ANAPC10: variants seen among roughly 807,000 people sequenced by gnomAD.
ANAPC10 encodes the protein anaphase promoting complex subunit 10.
A neutral mutation model predicts 22.0 loss-of-function variants in ANAPC10; 12 were observed. The observed-to-expected ratio is 0.55, with a 90% CI of 0.35 to 0.88. The LOEUF (loss-of-function observed/expected upper bound fraction) is 0.88. Among genes scored for constraint, ANAPC10 ranks in the 40% least tolerant of loss-of-function variants. The pLI is 0.01. For missense variants in ANAPC10, 188 were observed against 220.9 expected, an observed-to-expected ratio of 0.85 and a Z score of 0.94; for synonymous variants, 65 against 69.5, an observed-to-expected ratio of 0.94 and a Z score of 0.32.
rs570940726 is a variant in ANAPC10, at chr4:145,015,663, G to A, written c.328-20060C>T. Among the ~76,000 whole-genome samples, 5 of 152,168 alleles carry A rather than the reference G, an allele frequency of 3.3e-5. No individual in the cohort carries two copies. The South Asian group carries it at 1.0e-3, about 32-fold the overall frequency. On this transcript the variant is annotated intron_variant, in intron 4 of 4. Transcript: ENST00000507656. ...CAGGTAATGTAAAGTTAAGACAAAG[G>A]AAAGAATCTTAAGAGCTGTGAGACA... is the stretch of plus-strand genomic sequence containing the variant.
intron 4 of ANAPC10, among the ~76,000 whole-genome samples, chr4:145,058,193 C>T (rs1742349070): frequency 6.6e-6 from 1 of 152,020 alleles, no homozygotes; most frequent in Non-Finnish European, 1.5e-5. Context: ...TCTTTCTTAC[C>T]ACTCCCTCAG....
At chr4:145,097,505 ACACCTCC>A in intron 1 of ANAPC10, 1 of 1,287,220 alleles carries the variant, frequency 7.8e-7, no homozygotes, top group Non-Finnish European at 1.0e-6. Context: ...CGTTTCCTTG[ACACCTCC>A]CATTGTATCC....
chr4:145,092,113 A>G (rs13136718), intron 2 of ANAPC10, among the ~76,000 whole-genome samples: 16,185 of 152,176 alleles, frequency 0.11, 1,506 homozygotes, highest in East Asian at 0.45. Flanking sequence ...GGAGCTAAAC[A>G]ATGACAACAA....
chr4:145,025,605 G>A (rs943695820), intron 4 of ANAPC10, among the ~76,000 whole-genome samples: 1 of 152,068 alleles, frequency 6.6e-6, no homozygotes, highest in African/African-American at 2.4e-5. Flanking sequence ...CCATAACAAT[G>A]ACAATAGTAG....
intron 4 of ANAPC10, among the ~76,000 whole-genome samples, chr4:145,036,938 G>T (rs952887652): frequency 5.3e-5 from 8 of 151,754 alleles, no homozygotes; most frequent in African/African-American, 1.9e-4. Context: ...GTAGGGGAAG[G>T]TTTGTGACAG....
chr4:145,038,666 GT>G (rs1738996006), intron 4 of ANAPC10, among the ~76,000 whole-genome samples: 1 of 151,672 alleles, frequency 6.6e-6, no homozygotes, highest in South Asian at 2.1e-4. Context: ...ATTAAAAATA[GT>G]AAAAATTAGC....
chr4:145,083,509 C>A lies in ANAPC10; in HGVS notation c.116-1759G>T, dbSNP rs34590610. Among the ~76,000 whole-genome samples, 30 of 152,226 alleles carry A rather than the reference C, an allele frequency of 2.0e-4. No homozygotes were observed. The East Asian group carries it at 5.0e-3, about 25-fold the overall frequency. ...TTGATAAATATTGCCAAATTGTCCT[C>A]TAAAACATTTCCTCACCAAAAATGT... is the stretch of plus-strand genomic sequence containing the variant. On this transcript the variant is annotated intron_variant, in intron 2 of 4. Coordinates refer to ENST00000507656, the MANE Select transcript of ANAPC10 (RefSeq NM_001256706.2).
chr4:145,051,237 GAGA>G (rs1741056103), intron 4 of ANAPC10, among the ~76,000 whole-genome samples: 1 of 82,438 alleles, frequency 1.2e-5, no homozygotes, highest in African/African-American at 2.8e-5. Flanking sequence ...CACAATTAGA[GAGA>G]AAGAGATAAA....
At position 144,995,711 on chromosome 4, in the gene ANAPC10, A is replaced by G. The variant is rs186418134; in HGVS notation, c.328-108T>C. On this transcript the variant is annotated intron_variant, in intron 4 of 4. Transcript: ENST00000507656. ...CTTATAATTAACATTTTGCTCAACG[A>G]AAGAATGACAATATGATAATAATCA... The G allele has an allele frequency of 1.3e-5, 10 of 749,474 alleles. No homozygotes were observed. In the East Asian group the frequency reaches 2.7e-4, roughly 20 times the overall value. The allele number at this position is 749,474 out of a possible 1,614,324, so 46.4% of individuals were successfully genotyped here.
At chr4:145,000,143 C>G (rs984145074) in intron 4 of ANAPC10, among the ~76,000 whole-genome samples, 2 of 152,088 alleles carry the variant, frequency 1.3e-5, no homozygotes, top group African/African-American at 4.8e-5. Flanking sequence ...ATAGGCATGG[C>G]CAAGAACTTT....
intron 3 of ANAPC10, among the ~76,000 whole-genome samples, chr4:145,076,692 C>T (rs1200579679): frequency 6.6e-6 from 1 of 152,124 alleles, no homozygotes; most frequent in African/African-American, 2.4e-5. Flanking sequence ...GAAACCCAAT[C>T]CAAGGAATCT....
intron 4 of ANAPC10, among the ~76,000 whole-genome samples, chr4:145,062,858 T>C (rs1325055140): frequency 6.6e-6 from 1 of 152,160 alleles, no homozygotes; most frequent in South Asian, 2.1e-4. Context: ...ATCCTGTCAT[T>C]TGCAGCAGCG....
At chr4:145,087,454 C>G (rs1217499040) in intron 2 of ANAPC10, among the ~76,000 whole-genome samples, 1 of 151,996 alleles carries the variant, frequency 6.6e-6, no homozygotes, top group Non-Finnish European at 1.5e-5. Flanking sequence ...CCTCCTTAGG[C>G]TCTGCTAGGG....
At chr4:145,040,894 A>C (rs561606428) in intron 4 of ANAPC10, among the ~76,000 whole-genome samples, 1 of 152,240 alleles carries the variant, frequency 6.6e-6, no homozygotes, top group Non-Finnish European at 1.5e-5. Context: ...ACTGGGTGAA[A>C]GTCTCATAAT....
chr4:145,098,381 C>T (rs919093450), upstream of ANAPC10: 1 of 152,392 alleles, frequency 6.6e-6, no homozygotes, highest in African/African-American at 2.4e-5. Flanking sequence ...GCTGATTTGG[C>T]CTCTGTGCTC....
At position 145,081,182 on chromosome 4, in the gene ANAPC10, C is replaced by G. The variant is rs578115082; in HGVS notation, c.206+478G>C. 1.2e-3 allele frequency among the ~76,000 whole-genome samples: 171 copies of G among 142,950 alleles called. 2 individuals carry two copies. The highest frequency in any genetic ancestry group is 4.1e-3 in the Admixed American group (59 of 14,224). 93.8% of individuals were successfully genotyped at this position (142,950 alleles called of 152,430 possible). ...CATGTGGCTGTTTTTCCTTTCCCCT[C>G]AAAAAGCATTATCAAAAAGGAAAAT... On this transcript the variant is annotated intron_variant, in intron 3 of 4. Transcript: ENST00000507656.
In ANAPC10 at chr4:145,005,060, A is replaced by G. The variant is rs573931239; in HGVS notation, c.328-9457T>C. 5.3e-5 allele frequency among the ~76,000 whole-genome samples: 8 copies of G among 151,996 alleles called. No homozygotes were observed. The South Asian group carries it at 1.7e-3, about 32-fold the overall frequency. On this transcript the variant is annotated intron_variant, in intron 4 of 4. Transcript: ENST00000507656. ...AGGGATTCAATATCTTCCTTGTTCAATCTTCAGAGATTATATTTCCAAGAA... is the reference window on the plus strand; with the variant it reads ...AGGGATTCAATATCTTCCTTGTTCAGTCTTCAGAGATTATATTTCCAAGAA...
At position 145,069,298 on chromosome 4, in the gene ANAPC10, C is replaced by A. The variant is rs560426162; in HGVS notation, c.207-4606G>T. ...GGACTGCAATGTGAAGAGGGAGATG[C>A]CAAAGAGAATCTAGTAGTCTACTGA... On this transcript the variant is annotated intron_variant, in intron 3 of 4. Transcript: ENST00000507656. Among the ~76,000 whole-genome samples, 5 of 149,926 alleles carry A rather than the reference C, an allele frequency of 3.3e-5. No homozygotes were observed. In the South Asian group the frequency reaches 1.1e-3, roughly 32 times the overall value.
At chr4:145,025,527 G>A (rs1435372575) in intron 4 of ANAPC10, among the ~76,000 whole-genome samples, 1 of 152,062 alleles carries the variant, frequency 6.6e-6, no homozygotes, top group African/African-American at 2.4e-5. Context: ...TTAGGTGCTG[G>A]AGTAGTCAGA....
Sources: allele counts gnomAD v4.1 joint callset (sites outside exome capture counted in the v4.1 genomes callset), GRCh38; gene constraint gnomAD v4.1.1; transcripts MANE v1.5; gene names NCBI Gene and HGNC (gene_info 2026-07-23, HGNC 2026-07-21).